Variants in MALRD1 observed in about 807,000 individuals in gnomAD.
MALRD1 encodes MAM and LDL-receptor class A domain-containing protein 1.
MALRD1 carries 247 observed loss-of-function variants against 242.1 expected under a neutral mutation model. The observed-to-expected ratio is 1.02, with a 90% confidence interval of 0.92 to 1.13. The LOEUF is 1.13. MALRD1 is among the 50% of genes most tolerant of loss of function. MALRD1 has a pLI of 0.00. For synonymous variants in MALRD1, 995 were observed against 866.6 expected (o/e 1.15, Z -2.60); for missense variants, 2,989 against 2,533.1 (o/e 1.18, Z -3.86).
At chr10:19,067,139 G>C (rs1050008847) in intron 2 of MALRD1, among the ~76,000 whole-genome samples, 1 of 152,074 alleles carries the variant, frequency 6.6e-6, no homozygotes, top group African/African-American at 2.4e-5. Flanking sequence ...GAGAATAATT[G>C]GGATTTTCCA....
At chr10:19,599,904 C>A (rs1390754107) in intron 34 of MALRD1, among the ~76,000 whole-genome samples, 1 of 152,110 alleles carries the variant, frequency 6.6e-6, no homozygotes, top group African/African-American at 2.4e-5. Context: ...CAAATCCAAT[C>A]GTACACCAGA....
intron 34 of MALRD1, among the ~76,000 whole-genome samples, chr10:19,598,949 A>G (rs1257677193): frequency 6.6e-6 from 1 of 152,146 alleles, no homozygotes; most frequent in African/African-American, 2.4e-5. Flanking sequence ...TTTCTGAGAG[A>G]TCAAATAAGA....
chr10:19,696,415 C>T (rs1030059373), intron 38 of MALRD1, among the ~76,000 whole-genome samples: 6 of 152,096 alleles, frequency 3.9e-5, no homozygotes, highest in African/African-American at 1.4e-4. Context: ...TGCTGCAACA[C>T]CAAATATGTC....
chr10:19,580,894 T>C (rs761637460), intron 33 of MALRD1, among the ~76,000 whole-genome samples: 14 of 152,076 alleles, frequency 9.2e-5, no homozygotes, highest in Admixed American at 2.6e-4. Context: ...CTGTGTACTT[T>C]CCCACGCATG....
intron 36 of MALRD1, among the ~76,000 whole-genome samples, chr10:19,679,452 A>T (rs915291789): frequency 1.4e-4 from 21 of 151,954 alleles, no homozygotes; most frequent in Non-Finnish European, 1.5e-5. Flanking sequence ...GCATAGAGGT[A>T]TTTACACTAT....
At chr10:19,346,842 G>T (rs546141678) in intron 24 of MALRD1, among the ~76,000 whole-genome samples, 1 of 151,730 alleles carries the variant, frequency 6.6e-6, no homozygotes, top group African/African-American at 2.4e-5. Flanking sequence ...TAGAGATGGG[G>T]TTTTACCGTG....
At chr10:19,687,910 AATGTTATGTTATGTTATGTTATGTT>A (rs55753738) in intron 36 of MALRD1, among the ~76,000 whole-genome samples, 3,065 of 137,372 alleles carry the variant, frequency 0.022, 47 homozygotes, top group Non-Finnish European at 0.033. Context: ...TTATTTTTTT[AATGTTATGTTATGTTATGTTATGTT>A]ATGTTATGTT....
intron 31 of MALRD1, among the ~76,000 whole-genome samples, chr10:19,504,333 C>A (rs1838101969): frequency 6.6e-6 from 1 of 152,184 alleles, no homozygotes; most frequent in Admixed American, 6.5e-5. Context: ...ATAAACAGCT[C>A]TGCCTGGATC....
At chr10:19,318,420 G>A (rs1219500504) in intron 21 of MALRD1, among the ~76,000 whole-genome samples, 2 of 151,114 alleles carry the variant, frequency 1.3e-5, no homozygotes, top group East Asian at 2.0e-4. Flanking sequence ...TATAATATTA[G>A]AGAATTGTTT....
intron 21 of MALRD1, among the ~76,000 whole-genome samples, chr10:19,308,158 A>G (rs1229626555): frequency 6.6e-6 from 1 of 151,536 alleles, no homozygotes; most frequent in South Asian, 2.1e-4. Flanking sequence ...CTCATTAACT[A>G]TCCCTACATT....
chr10:19,357,973 T>A (rs1844708959), intron 26 of MALRD1, among the ~76,000 whole-genome samples: 1 of 151,926 alleles, frequency 6.6e-6, no homozygotes, highest in African/African-American at 2.4e-5. Flanking sequence ...TAAATTATTA[T>A]TAAGTCCCTA....
At chr10:19,114,574 G>A (rs374049904) in intron 5 of MALRD1, among the ~76,000 whole-genome samples, 52 of 151,874 alleles carry the variant, frequency 3.4e-4, no homozygotes, top group African/African-American at 1.1e-3. Context: ...GAGCTGAGAC[G>A]GCACCACTGC....
At chr10:19,088,596 T>A (rs1314468253) in intron 4 of MALRD1, among the ~76,000 whole-genome samples, 3 of 134,606 alleles carry the variant, frequency 2.2e-5, no homozygotes, top group African/African-American at 8.7e-5. Context: ...TTTATTTTTT[T>A]TTATTATACT....
At chr10:19,387,151 T>C (rs957802358) in intron 26 of MALRD1, among the ~76,000 whole-genome samples, 1 of 152,118 alleles carries the variant, frequency 6.6e-6, no homozygotes, top group Non-Finnish European at 1.5e-5. Flanking sequence ...CATGATCTCT[T>C]AGCTGCTTAA....
chr10:19,224,710 A>G (rs575164831), intron 18 of MALRD1, among the ~76,000 whole-genome samples: 10 of 152,174 alleles, frequency 6.6e-5, no homozygotes, highest in Non-Finnish European at 1.5e-4. Flanking sequence ...AATTTGTTTA[A>G]GTTCCTTGTA....
chr10:19,075,770 T>C (rs1226404681), intron 2 of MALRD1, among the ~76,000 whole-genome samples: 1 of 152,126 alleles, frequency 6.6e-6, no homozygotes, highest in Non-Finnish European at 1.5e-5. Flanking sequence ...GTGCTGGGAC[T>C]TCTGACTTAC....
Position 19,347,972 on chromosome 10 carries a change from C to T in MALRD1, c.4103C>T (p.Ala1368Val). The T allele has an allele frequency of 3.2e-6, 5 of 1,550,332 alleles. No individual in the cohort carries two copies. Among genetic ancestry groups the T allele is most frequent in the Non-Finnish European group, 4.4e-6 (5 of 1,146,848 alleles). Reference sequence around the variant, plus strand: ...TTTCCTCAGCAGCCCATGAGAGCTGCCAGAATTTCAAGTCCAGTTATAAGT... The same window carrying T: ...TTTCCTCAGCAGCCCATGAGAGCTGTCAGAATTTCAAGTCCAGTTATAAGT... ...SLFPQQPMRA[A>V]RISSPVISKR... is the part of the protein sequence containing the mutation. Residue 1368 changes from alanine to valine, a missense_variant, in exon 25 of 40, where the codon GCC becomes GTC. Transcript: ENST00000454679.
chr10:19,352,968 A>C (rs1844460285), intron 26 of MALRD1, among the ~76,000 whole-genome samples: 1 of 151,922 alleles, frequency 6.6e-6, no homozygotes, highest in African/African-American at 2.4e-5. Flanking sequence ...AAAGGAGTAA[A>C]TTTTCTTAGC....
chr10:19,191,171 C>G (rs576104156), intron 14 of MALRD1, among the ~76,000 whole-genome samples: 1 of 152,184 alleles, frequency 6.6e-6, no homozygotes, highest in East Asian at 1.9e-4. Context: ...CCAAAGAAGA[C>G]AAAATATTTT....
Sources: allele counts gnomAD v4.1 joint callset (sites outside exome capture counted in the v4.1 genomes callset), GRCh38; gene constraint gnomAD v4.1.1; transcripts MANE v1.5; gene names NCBI Gene and HGNC (gene_info 2026-07-23, HGNC 2026-07-21).